The following ITGAD variants were observed in gnomAD, a reference collection of about 807,000 sequenced individuals.
ITGAD encodes integrin subunit alpha D.
A neutral mutation model predicts 139.0 loss-of-function variants in ITGAD; 105 were observed. The observed-to-expected ratio is 0.76, with a 90% CI of 0.65 to 0.89. The LOEUF (loss-of-function observed/expected upper bound fraction) is 0.89, where lower values mean the gene tolerates loss of function less well. Among genes scored for constraint, ITGAD ranks in the 40% least tolerant of loss-of-function variants. The pLI is 0.00. For synonymous variants in ITGAD, 569 were observed against 598.3 expected (o/e 0.95, Z 0.71); for missense variants, 1,384 against 1,487.3 (o/e 0.93, Z 1.14).
chr16:31,415,089 G>T, intron 18 of ITGAD, 98 bp downstream of exon 18: 1 of 1,419,274 alleles, frequency 7.0e-7, no homozygotes. Flanking sequence ...ACCACATCCA[G>T]TCCAGAAACC....
At position 31,397,375 on chromosome 16, in the gene ITGAD, C is replaced by T. The variant is rs758825960; in HGVS notation, c.154C>T (p.Pro52Ser). 2.5e-6 allele frequency: 4 copies of T among 1,601,322 alleles called. No individual in the cohort carries two copies. The highest frequency in any genetic ancestry group is 3.4e-6 in the Non-Finnish European group (4 of 1,174,450). The change falls in exon 3 of 30, where the codon CCC becomes TCC. Residue 52 changes from proline to serine, a missense_variant. Physicochemically the swap from Pro to Ser is moderately conservative, Grantham distance 74. Transcript: ENST00000389202. ...FGGSRLVVGA[P>S]LEVVAANQTG... ...TGTCTCCAGACTCGTGGTGGGAGCA[C>T]CCCTGGAGGTGGTGGCGGCCAACCA... is the stretch of plus-strand genomic sequence containing the variant.
chr16:31,424,484 A>G lies in ITGAD; in HGVS notation c.3279A>G (p.Glu1093=). The G allele has an allele frequency of 6.2e-7, 1 of 1,613,790 alleles. No individual in the cohort carries two copies. The highest frequency in any genetic ancestry group is 8.5e-7 in the Non-Finnish European group (1 of 1,179,746). The part of the protein sequence containing the change: ...FMRAQMEMVL[E]EDEVYNAIPI... ...TAAATCAGATGGAGATGGTGCTAGA[A>G]GAAGACGAGGTCTACAATGCCATTC... The change falls in exon 29 of 30, where the codon GAA becomes GAG. Residue 1093 remains glutamate (E), a synonymous_variant. Transcript: ENST00000389202.
intron 24 of ITGAD, 30 bp downstream of exon 24, chr16:31,423,222 C>T (rs1399295917): frequency 6.2e-7 from 1 of 1,603,630 alleles, no homozygotes; most frequent in African/African-American, 1.3e-5. Context: ...CCATGTCTGC[C>T]TTCCACGTTG....
chr16:31,419,474 T>C (rs2081966355), intron 23 of ITGAD, among the ~76,000 whole-genome samples: 1 of 152,218 alleles, frequency 6.6e-6, no homozygotes, highest in South Asian at 2.1e-4. Flanking sequence ...GGCTCTACCA[T>C]CTAGGTTTGC....
intron 7 of ITGAD, chr16:31,404,594 G>C (rs970651476): frequency 1.3e-5 from 2 of 152,510 alleles, no homozygotes; most frequent in Non-Finnish European, 2.9e-5. Context: ...ACCCCTCAAA[G>C]TTCTTCCAGT....
At chr16:31,399,341 T>G (rs757048285) in intron 5 of ITGAD, among the ~76,000 whole-genome samples, 1 of 152,198 alleles carries the variant, frequency 6.6e-6, no homozygotes, top group Admixed American at 6.5e-5. Context: ...ATCTTCCAGC[T>G]GGGGACTGCA....
intron 5 of ITGAD, among the ~76,000 whole-genome samples, 173 bp from the exon 6 acceptor site, chr16:31,401,942 A>T (rs2081415595): frequency 6.6e-6 from 1 of 152,104 alleles, no homozygotes; most frequent in African/African-American, 2.4e-5. Flanking sequence ...TTTCCAGGCC[A>T]TGTGGGAGGA....
chr16:31,399,191 C>A (rs905140848), intron 5 of ITGAD, among the ~76,000 whole-genome samples: 1 of 152,168 alleles, frequency 6.6e-6, no homozygotes, highest in Admixed American at 6.5e-5. Context: ...CTTGAAGCTT[C>A]ATTCCCTCAA....
Position 31,407,503 on chromosome 16 carries a change from C to T in ITGAD, c.705-12C>T, listed in dbSNP as rs749254523. The T allele has an allele frequency of 1.3e-6, 2 of 1,559,614 alleles. No homozygotes were observed. The highest frequency in any genetic ancestry group is 2.2e-5 in the East Asian group (1 of 44,454). ...CATCTCAGTAGAGTCATCTTCCTTT[C>T]CTCCCCGACAGGACACAGCTATTTC... On this transcript the variant is annotated splice_polypyrimidine_tract_variant and intron_variant, in intron 7 of 29. Transcript: ENST00000389202.
In ITGAD at chr16:31,397,062, GTTTTTTTTTTT is replaced by G. The variant is rs539015704; in HGVS notation, c.138-278_138-268del. 6.9e-5 allele frequency among the ~76,000 whole-genome samples: 7 copies of G among 100,810 alleles called. No individual in the cohort carries two copies. The East Asian group carries it at 2.2e-3, about 32-fold the overall frequency. 66.1% of individuals were successfully genotyped at this position (100,810 alleles called of 152,430 possible). A position where few individuals can be genotyped will look rare whatever the true frequency, so the allele number is the denominator to read the frequency against. On this transcript the variant is annotated intron_variant, in intron 2 of 29. Coordinates refer to ENST00000389202, the MANE Select transcript of ITGAD (RefSeq NM_005353.3). Reference sequence around the variant, plus strand: ...AAATGCCATTTTGGTCTTTAAATAGGTTTTTTTTTTTTTTTTTTTTTTTTTTTTTGGTGAAT... The same window carrying G: ...AAATGCCATTTTGGTCTTTAAATAGGTTTTTTTTTTTTTTTTTTGGTGAAT...
In ITGAD at chr16:31,426,270, A is replaced by G. The variant is rs2082113848; in HGVS notation, c.*142A>G. ...GTGCTAAGCACCTTCTCGGAGAGAT[A>G]GAGATTGTAATGTTTTTACATATCT... On this transcript the variant is annotated 3_prime_UTR_variant, in exon 30 of 30. Transcript: ENST00000389202. The G allele has an allele frequency of 3.3e-6, 2 of 602,744 alleles. No individual in the cohort carries two copies. The highest frequency in any genetic ancestry group is 2.8e-5 in the Admixed American group (1 of 35,576). 37.3% of individuals were successfully genotyped at this position (602,744 alleles called of 1,614,324 possible). A position where few individuals can be genotyped will look rare whatever the true frequency, so the allele number is the denominator to read the frequency against.
intron 2 of ITGAD, 53 bp from the exon 3 acceptor site, chr16:31,397,306 C>G (rs889110096): frequency 6.2e-6 from 8 of 1,283,784 alleles, no homozygotes; most frequent in Non-Finnish European, 8.8e-6. Flanking sequence ...CAAGTGCCCG[C>G]TGCTCCCACC....
intron 12 of ITGAD, 79 bp downstream of exon 12, chr16:31,410,957 G>A: frequency 6.3e-7 from 1 of 1,596,582 alleles, no homozygotes; most frequent in Non-Finnish European, 8.5e-7. Context: ...GCTAGGGAGA[G>A]GATGGAGGGG....
At chr16:31,424,676 C>A in intron 29 of ITGAD, 99 bp downstream of exon 29, 1 of 689,208 alleles carries the variant, frequency 1.5e-6, no homozygotes, top group Non-Finnish European at 2.4e-6. Context: ...TGGCTCACTG[C>A]AACCTCCACC....
intron 9 of ITGAD, 48 bp downstream of exon 9, chr16:31,407,964 A>G: frequency 2.0e-6 from 3 of 1,514,258 alleles, no homozygotes; most frequent in Non-Finnish European, 1.8e-6. Flanking sequence ...TCCCCACCCA[A>G]TTGTCCCGTG....
At chr16:31,397,706 C>CCAGGGGGGGGGGGGGGGGGGGGG in intron 4 of ITGAD, 40 bp downstream of exon 4, 1 of 299,964 alleles carries the variant, frequency 3.3e-6, no homozygotes, top group Non-Finnish European at 5.6e-6. Context: ...TGGGGTGGGG[C>CCAGGGGGGGGGGGGGGGGGGGGG]GGGGGGTGTT....
chr16:31,421,744 G>A (rs896580886), intron 23 of ITGAD, among the ~76,000 whole-genome samples: 1 of 152,110 alleles, frequency 6.6e-6, no homozygotes, highest in African/African-American at 2.4e-5. Flanking sequence ...CCAGAGACGT[G>A]AAGTGGCTTG....
At chr16:31,402,425 A>G in intron 6 of ITGAD, 180 bp downstream of exon 6, 1 of 472,510 alleles carries the variant, frequency 2.1e-6, no homozygotes, top group Non-Finnish European at 3.8e-6. Context: ...CCCTCTTGGC[A>G]TTTAATAATG....
In ITGAD at chr16:31,397,435, G is replaced by A. The variant is rs200967127; in HGVS notation, c.214G>A (p.Gly72Ser). The stretch of plus-strand genomic sequence containing the variant: ...GCTGTATGACTGCGCAGCTGCCACC[G>A]GCATGTGCCAGCCCATCCCGCTGCA... Reference protein sequence around the residue: ...GRLYDCAAATGMCQPIPLHIR... With the variant: ...GRLYDCAAATSMCQPIPLHIR... Residue 72 changes from glycine (G) to serine (S), a missense_variant, in exon 3 of 30, where the codon GGC (glycine) becomes AGC (serine). Gly to Ser is a moderately conservative substitution (Grantham distance 56). Transcript: ENST00000389202. 2.1e-5 allele frequency: 34 copies of A among 1,600,438 alleles called. No homozygotes were observed. In the Admixed American group the frequency reaches 4.1e-4, roughly 19 times the overall value.
Sources: gnomAD v4.1 joint callset for allele counts (sites outside exome capture counted in the v4.1 genomes callset) on GRCh38, gnomAD v4.1.1 for gene constraint, MANE v1.5 for transcripts, NCBI Gene and HGNC (gene_info 2026-07-23, HGNC 2026-07-21) for gene names.